Variants in MYO5B observed in about 807,000 individuals in gnomAD.
The protein encoded by MYO5B is myosin VB.
Under a neutral mutation model 229.3 loss-of-function variants are expected in MYO5B, and 143 were observed. That is an observed-to-expected ratio of 0.62 (90% CI 0.54 to 0.72). The LOEUF (loss-of-function observed/expected upper bound fraction) is 0.72. Ranked by LOEUF, MYO5B falls within the 30% of genes least tolerant of loss-of-function variation. The pLI is 0.00. For synonymous variants in MYO5B, 918 were observed against 885.2 expected (o/e 1.04, Z -0.66); for missense variants, 2,321 against 2,331.0 (o/e 1.00, Z 0.09).
rs554672777 is a variant in MYO5B at position 49,970,147 on chromosome 18, T to A, written c.1322+4203A>T. Among the ~76,000 whole-genome samples, 131 of 152,232 alleles carry A rather than the reference T, an allele frequency of 8.6e-4. 1 individual carries two copies. Among genetic ancestry groups the A allele is most frequent in the Non-Finnish European group, 1.6e-3 (107 of 68,036 alleles). Reference sequence around the variant, plus strand: ...GCCTAGAGAGGCAAATGCAGGTTAATGCAACCTGGAAAGGGAATCCCAGCC... The same window carrying A: ...GCCTAGAGAGGCAAATGCAGGTTAAAGCAACCTGGAAAGGGAATCCCAGCC... On this transcript the variant is annotated intron_variant, in intron 10 of 39. Transcript: ENST00000285039.
chr18:49,984,847 G>A, intron 7 of MYO5B, 22 bp from the exon 8 acceptor site: 3 of 1,501,714 alleles, frequency 2.0e-6, no homozygotes, highest in Non-Finnish European at 2.8e-6. Flanking sequence ...GAGGAAATAA[G>A]GCATGAGGCA....
At chr18:50,015,059 G>T (rs1258493930) in intron 4 of MYO5B, among the ~76,000 whole-genome samples, 2 of 152,202 alleles carry the variant, frequency 1.3e-5, no homozygotes, top group Non-Finnish European at 2.9e-5. Context: ...GGTTGACCTT[G>T]ACCAAAAATT....
intron 9 of MYO5B, among the ~76,000 whole-genome samples, chr18:49,979,310 G>A (rs1032098695): frequency 4.6e-5 from 7 of 152,176 alleles, no homozygotes; most frequent in Non-Finnish European, 8.8e-5. Flanking sequence ...CACTGGGCCC[G>A]ACAGGGGAGC....
chr18:50,109,084 C>T (rs1776840690), intron 1 of MYO5B, among the ~76,000 whole-genome samples: 1 of 152,152 alleles, frequency 6.6e-6, no homozygotes, highest in African/African-American at 2.4e-5. Flanking sequence ...GCCCTAGAAA[C>T]CCTATCTTCC....
At chr18:50,182,125 C>G (rs1348743745) in intron 1 of MYO5B, among the ~76,000 whole-genome samples, 1 of 152,230 alleles carries the variant, frequency 6.6e-6, no homozygotes, top group African/African-American at 2.4e-5. Flanking sequence ...GTGCTCCAAA[C>G]CTTTGTTGCC....
chr18:50,159,771 C>T (rs770001235), intron 1 of MYO5B, among the ~76,000 whole-genome samples: 1 of 152,190 alleles, frequency 6.6e-6, no homozygotes, highest in Non-Finnish European at 1.5e-5. Flanking sequence ...AAGGTCTTCA[C>T]GTTCCACTGT....
chr18:50,158,762 C>T (rs879866189), intron 1 of MYO5B, among the ~76,000 whole-genome samples: 2 of 152,104 alleles, frequency 1.3e-5, no homozygotes, highest in African/African-American at 4.8e-5. Context: ...AGAACATGCC[C>T]CATTATGGTC....
At chr18:50,138,958 A>G (rs955344409) in intron 1 of MYO5B, among the ~76,000 whole-genome samples, 2 of 152,168 alleles carry the variant, frequency 1.3e-5, no homozygotes, top group African/African-American at 4.8e-5. Context: ...CACCCTCAAC[A>G]TCTGCCTCTC....
intron 1 of MYO5B, among the ~76,000 whole-genome samples, chr18:50,158,377 G>A (rs2032714162): frequency 6.6e-6 from 1 of 152,148 alleles, no homozygotes; most frequent in South Asian, 2.1e-4. Context: ...ATATGACTTA[G>A]CAGGTGAGCC....
chr18:50,037,963 A>G (rs1459515028), intron 3 of MYO5B, among the ~76,000 whole-genome samples: 1 of 152,172 alleles, frequency 6.6e-6, no homozygotes, highest in Non-Finnish European at 1.5e-5. Flanking sequence ...TTTTTATTAC[A>G]CCACATCTCA....
chr18:49,896,397 T>G (rs545000543), intron 21 of MYO5B, among the ~76,000 whole-genome samples: 2 of 152,304 alleles, frequency 1.3e-5, no homozygotes, highest in East Asian at 3.9e-4. Context: ...CAGATTCTAT[T>G]TGAACACCGA....
chr18:49,930,064 C>T (rs2025172967), intron 16 of MYO5B, among the ~76,000 whole-genome samples: 1 of 152,210 alleles, frequency 6.6e-6, no homozygotes, highest in African/African-American at 2.4e-5. Flanking sequence ...TCAATCATGA[C>T]ATGGTCACTT....
chr18:49,945,089 G>C (rs571819331), intron 14 of MYO5B, among the ~76,000 whole-genome samples: 2 of 152,134 alleles, frequency 1.3e-5, no homozygotes, highest in African/African-American at 2.4e-5. Flanking sequence ...CTCCCTGCCC[G>C]GCGCCCTTCC....
chr18:50,143,319 G>A (rs538020094), intron 1 of MYO5B, among the ~76,000 whole-genome samples: 3 of 152,222 alleles, frequency 2.0e-5, no homozygotes, highest in South Asian at 2.1e-4. Context: ...AAGGGCAGCT[G>A]TGTAGAATAA....
At chr18:50,193,315 G>C (rs1237660038) in intron 1 of MYO5B, among the ~76,000 whole-genome samples, 5 of 152,180 alleles carry the variant, frequency 3.3e-5, no homozygotes, top group South Asian at 2.1e-4. Context: ...ATCCCTGATC[G>C]CTGCACAGGT....
chr18:49,855,663 G>A (rs1003446919), intron 30 of MYO5B, among the ~76,000 whole-genome samples: 1 of 152,164 alleles, frequency 6.6e-6, no homozygotes, highest in Non-Finnish European at 1.5e-5. Context: ...ATAATGCCCC[G>A]TGAGGAAGGT....
chr18:49,918,525 T>C (rs1032949926), intron 17 of MYO5B, among the ~76,000 whole-genome samples: 1 of 152,246 alleles, frequency 6.6e-6, no homozygotes, highest in Non-Finnish European at 1.5e-5. Context: ...TACTCCATTA[T>C]ACCATCATGC....
At chr18:50,142,228 G>A (rs2032428817) in intron 1 of MYO5B, among the ~76,000 whole-genome samples, 1 of 152,172 alleles carries the variant, frequency 6.6e-6, no homozygotes, top group Non-Finnish European at 1.5e-5. Context: ...CTGGAATTCA[G>A]GTTGACGGAG....
intron 29 of MYO5B, among the ~76,000 whole-genome samples, chr18:49,858,436 C>T (rs1049818317): frequency 6.6e-6 from 1 of 152,240 alleles, no homozygotes; most frequent in Non-Finnish European, 1.5e-5. Flanking sequence ...CACCTCCTTT[C>T]CCACACCAGA....
Sources: allele counts gnomAD v4.1 joint callset (sites outside exome capture counted in the v4.1 genomes callset), GRCh38; gene constraint gnomAD v4.1.1; transcripts MANE v1.5; gene names NCBI Gene and HGNC (gene_info 2026-07-23, HGNC 2026-07-21).